The following LNPEP variants were observed in gnomAD, a reference collection of about 807,000 sequenced individuals.
LNPEP encodes the protein leucyl-cystinyl aminopeptidase.
A neutral mutation model predicts 120.6 loss-of-function variants in LNPEP; 64 were observed. The ratio of observed to expected loss-of-function variants is 0.53; its 90% CI spans 0.43 to 0.65. LNPEP has a LOEUF of 0.65. LNPEP is among the 30% of genes least tolerant of loss of function. LNPEP has a pLI of 0.00. For synonymous variants in LNPEP, 435 were observed against 425.4 expected (o/e 1.02, Z -0.28); for missense variants, 1,057 against 1,200.0 (o/e 0.88, Z 1.76).
At chr5:97,012,197 A>G (rs1209630198) in intron 11 of LNPEP, among the ~76,000 whole-genome samples, 1 of 152,198 alleles carries the variant, frequency 6.6e-6, no homozygotes, top group Non-Finnish European at 1.5e-5. Context: ...GACAATGGAA[A>G]AATGTGCGGG....
intron 8 of LNPEP, 124 bp downstream of exon 8, chr5:96,998,269 C>T (rs1790563915): frequency 3.9e-6 from 3 of 772,004 alleles, no homozygotes; most frequent in Non-Finnish European, 5.9e-6. Flanking sequence ...TAATGGTAAA[C>T]TATAAAATGT....
At chr5:96,983,916 A>G (rs1454933742) in intron 2 of LNPEP, among the ~76,000 whole-genome samples, 14 of 152,214 alleles carry the variant, frequency 9.2e-5, no homozygotes, top group Admixed American at 7.9e-4. Context: ...GAGGTTTGGT[A>G]TCGTGAAGCC....
intron 1 of LNPEP, among the ~76,000 whole-genome samples, chr5:96,975,134 G>C (rs952621668): frequency 6.6e-6 from 1 of 152,082 alleles, no homozygotes; most frequent in Admixed American, 6.6e-5. Context: ...GGCTAAGAAA[G>C]GTAACCTGTT....
rs183701190 is a variant in LNPEP, at chr5:96,964,458, A to G, written c.20-14680A>G. Among the ~76,000 whole-genome samples, 415 of 152,172 alleles carry G rather than the reference A, an allele frequency of 2.7e-3. 3 individuals are homozygous for G. Among genetic ancestry groups the G allele is most frequent in the African/African-American group, 9.6e-3 (399 of 41,544 alleles). On this transcript the variant is annotated intron_variant, in intron 1 of 17. Transcript: ENST00000231368. ...TGTATCCAACTGGATATTTATTTAA[A>G]TGTTTATAACCTGCTTTTCTCTCTT... is the stretch of plus-strand genomic sequence containing the variant.
chr5:96,979,788 G>T lies in LNPEP; in HGVS notation c.670G>T (p.Ala224Ser). ...HNISRVTFMS[A>S]VSSQEKQAEI... Reference sequence around the variant, plus strand: ...TATTTCAAGAGTGACCTTTATGTCAGCAGTTTCAAGCCAAGAAAAACAAGC... The same window carrying T: ...TATTTCAAGAGTGACCTTTATGTCATCAGTTTCAAGCCAAGAAAAACAAGC... Residue 224 changes from alanine to serine, a missense_variant, in exon 2 of 18, where the codon GCA (alanine) becomes TCA (serine). By Grantham distance (99) the Ala-to-Ser change is moderately conservative. Transcript: ENST00000231368. 1.9e-6 allele frequency: 3 copies of T among 1,613,992 alleles called. No individual in the cohort carries two copies. The highest frequency in any genetic ancestry group is 3.3e-4 in the Middle Eastern group (2 of 6,056).
chr5:96,998,203 ATGTGAGCAAGCTG>A, intron 8 of LNPEP, 58 bp downstream of exon 8: 1 of 1,274,472 alleles, frequency 7.8e-7, no homozygotes, highest in Non-Finnish European at 1.1e-6. Context: ...ATAATTTCGT[ATGTGAGCAAGCTG>A]TGTGATTTAG....
chr5:96,999,687 T>A (rs943638476), intron 8 of LNPEP, among the ~76,000 whole-genome samples: 1 of 152,134 alleles, frequency 6.6e-6, no homozygotes, highest in Non-Finnish European at 1.5e-5. Context: ...GAGTTCTGTC[T>A]GCCACTGACC....
In LNPEP at chr5:96,997,045, C is replaced by T. The variant is rs76353700; in HGVS notation, c.1521+542C>T. Among the ~76,000 whole-genome samples, 1,391 of 151,880 alleles carry T rather than the reference C, an allele frequency of 9.2e-3. 31 individuals are homozygous for T. Among genetic ancestry groups the T allele is most frequent in the East Asian group, 0.067 (345 of 5,162 alleles). ...GCCTTTTTCCAAAGACAAGGAATAC[C>T]GTTTCAGTACAGAGAAGTATAATAG... is the stretch of plus-strand genomic sequence containing the variant. On this transcript the variant is annotated intron_variant, in intron 7 of 17. Coordinates refer to ENST00000231368, the MANE Select transcript of LNPEP (RefSeq NM_005575.3).
chr5:97,035,955 A>G lies in LNPEP; in HGVS notation c.*7422A>G, dbSNP rs1388960324. ...TTGTAAATTCTAGAAAGGCAAGAGGACAATATTGAATAAAGCTGTGTTTAA... is the reference window on the plus strand; with the variant it reads ...TTGTAAATTCTAGAAAGGCAAGAGGGCAATATTGAATAAAGCTGTGTTTAA... On this transcript the variant is annotated 3_prime_UTR_variant, in exon 18 of 18. Transcript: ENST00000231368. 6.6e-6 allele frequency: 1 copy of G among 152,208 alleles called. No homozygotes were observed. Among genetic ancestry groups the G allele is most frequent in the Non-Finnish European group, 1.5e-5 (1 of 68,022 alleles). 9.4% of individuals were successfully genotyped at this position (152,208 alleles called of 1,614,324 possible).
chr5:97,020,887 A>G (rs186753920), intron 13 of LNPEP, among the ~76,000 whole-genome samples: 75 of 152,318 alleles, frequency 4.9e-4, no homozygotes, highest in African/African-American at 1.6e-3. Flanking sequence ...CATATTGCAT[A>G]TGATGCTTTT....
chr5:96,984,362 T>C (rs1790193687), intron 2 of LNPEP, among the ~76,000 whole-genome samples: 1 of 152,188 alleles, frequency 6.6e-6, no homozygotes, highest in African/African-American at 2.4e-5. Flanking sequence ...CTTGAAGACC[T>C]TCCTCTTGAG....
chr5:96,976,256 C>G (rs1000446662), intron 1 of LNPEP, among the ~76,000 whole-genome samples: 1 of 151,646 alleles, frequency 6.6e-6, no homozygotes, highest in Non-Finnish European at 1.5e-5. Flanking sequence ...AAAAAAAAAA[C>G]TGTGCTTCTA....
At chr5:96,989,725 A>T (rs1790352190) in intron 4 of LNPEP, among the ~76,000 whole-genome samples, 1 of 152,106 alleles carries the variant, frequency 6.6e-6, no homozygotes, top group South Asian at 2.1e-4. Flanking sequence ...TTCTTACTGC[A>T]TCTGTTGCTC....
chr5:97,010,912 AATG>A (rs1218808555), intron 11 of LNPEP: 1 of 985,226 alleles, frequency 1.0e-6, no homozygotes, highest in Non-Finnish European at 1.2e-6. Flanking sequence ...GAAAGAGACT[AATG>A]ATGTTGATTC....
At chr5:96,993,201 T>G in intron 5 of LNPEP, 66 bp downstream of exon 5, 2 of 1,244,428 alleles carry the variant, frequency 1.6e-6, no homozygotes, top group South Asian at 3.4e-5. Flanking sequence ...TGTGAATTTT[T>G]TTAGAAAGAG....
At chr5:96,999,796 G>A (rs1385882975) in intron 8 of LNPEP, among the ~76,000 whole-genome samples, 1 of 151,448 alleles carries the variant, frequency 6.6e-6, no homozygotes, top group African/African-American at 2.4e-5. Context: ...TCAGAATTGG[G>A]AATTTGGCAA....
chr5:97,027,951 G>T, intron 17 of LNPEP, 137 bp downstream of exon 17: 2 of 633,454 alleles, frequency 3.2e-6, no homozygotes, highest in Non-Finnish European at 5.6e-6. Flanking sequence ...CAGTACTAAT[G>T]ATTCTGCATT....
intron 13 of LNPEP, among the ~76,000 whole-genome samples, chr5:97,020,788 CA>C: frequency 6.6e-6 from 1 of 152,150 alleles, no homozygotes; most frequent in East Asian, 1.9e-4. Context: ...GGCAACTGAG[CA>C]AGACTCCATC....
intron 13 of LNPEP, among the ~76,000 whole-genome samples, chr5:97,018,641 C>T (rs954587332): frequency 6.6e-6 from 1 of 152,110 alleles, no homozygotes; most frequent in Non-Finnish European, 1.5e-5. Flanking sequence ...AGCATCAATA[C>T]TCTCAAACTA....
Sources: allele counts gnomAD v4.1 joint callset (sites outside exome capture counted in the v4.1 genomes callset), GRCh38; gene constraint gnomAD v4.1.1; transcripts MANE v1.5; gene names NCBI Gene and HGNC (gene_info 2026-07-23, HGNC 2026-07-21).